Variants in PPFIA2 observed in about 807,000 individuals in gnomAD.
The protein encoded by PPFIA2 is PPFI scaffold protein A2.
In PPFIA2, 46 loss-of-function variants were observed where a neutral mutation model predicts 175.5. The ratio of observed to expected loss-of-function variants is 0.26; its 90% confidence interval spans 0.21 to 0.34. The LOEUF (loss-of-function observed/expected upper bound fraction) is 0.34, where lower values mean the gene tolerates loss of function less well. Ranked by LOEUF, PPFIA2 falls within the 10% of genes least tolerant of loss-of-function variation. The pLI is 1.00. For missense variants in PPFIA2, 1,179 were observed against 1,506.1 expected, an observed-to-expected ratio of 0.78 and a Z score of 3.60; for synonymous variants, 568 against 511.4, an observed-to-expected ratio of 1.11 and a Z score of -1.49.
intron 4 of PPFIA2, among the ~76,000 whole-genome samples, chr12:81,663,851 A>G (rs1316239846): frequency 6.6e-6 from 1 of 152,210 alleles, no homozygotes; most frequent in Non-Finnish European, 1.5e-5. Flanking sequence ...ATATAGACCA[A>G]TGGAACAGAA....
chr12:81,754,989 C>T (rs929507690), intron 2 of PPFIA2, among the ~76,000 whole-genome samples: 3 of 152,148 alleles, frequency 2.0e-5, no homozygotes, highest in Admixed American at 1.3e-4. Context: ...GCATTATACT[C>T]ATCATTACAC....
intron 4 of PPFIA2, among the ~76,000 whole-genome samples, chr12:81,516,223 T>C (rs910796761): frequency 1.1e-4 from 16 of 152,098 alleles, no homozygotes; most frequent in Non-Finnish European, 1.9e-4. Flanking sequence ...TACCAGGAGA[T>C]AGATTCTACT....
intron 4 of PPFIA2, among the ~76,000 whole-genome samples, chr12:81,570,138 C>T (rs540996797): frequency 1.4e-4 from 21 of 152,204 alleles, no homozygotes; most frequent in African/African-American, 4.8e-4. Flanking sequence ...TATATGATGG[C>T]TAACCATATG....
chr12:81,454,412 A>G (rs1395543696), intron 5 of PPFIA2, among the ~76,000 whole-genome samples: 1 of 152,148 alleles, frequency 6.6e-6, no homozygotes, highest in Non-Finnish European at 1.5e-5. Flanking sequence ...GGCCTGGGAC[A>G]AGTTACTTAC....
chr12:81,409,032 A>G (rs921807062), intron 7 of PPFIA2, among the ~76,000 whole-genome samples: 2 of 152,186 alleles, frequency 1.3e-5, no homozygotes, highest in African/African-American at 4.8e-5. Flanking sequence ...AATCTGTTTT[A>G]AAGAGTGAAG....
chr12:81,527,576 A>G (rs1380483774), intron 4 of PPFIA2, among the ~76,000 whole-genome samples: 1 of 152,072 alleles, frequency 6.6e-6, no homozygotes, highest in African/African-American at 2.4e-5. Context: ...GAACCTTCTC[A>G]GGCAAGCCTT....
In PPFIA2 at chr12:81,375,842, T is replaced by C. The variant is rs2036239641; in HGVS notation, c.1085A>G (p.Asp362Gly). The change falls in exon 10 of 33, where the codon GAT (aspartate) becomes GGT (glycine). Residue 362 changes from aspartate (D) to glycine (G), a missense_variant. Physicochemically the swap from Asp to Gly is moderately conservative, Grantham distance 94. Coordinates refer to ENST00000549396, the MANE Select transcript of PPFIA2 (RefSeq NM_003625.5). ...RESTSIHDMN[D>G]KLENELANKE... ...ATTTGCTAACTCATTTTCTAGTTTA[T>C]CATTCATGTCATGTATGGAGGTAGA... The C allele has an allele frequency of 6.2e-7, 1 of 1,607,930 alleles. No individual in the cohort carries two copies.
intron 4 of PPFIA2, among the ~76,000 whole-genome samples, chr12:81,462,258 T>G (rs2054678702): frequency 1.1e-5 from 1 of 93,620 alleles, no homozygotes; most frequent in Admixed American, 9.9e-5. Flanking sequence ...TTCTAACATA[T>G]ATATATATAT....
intron 2 of PPFIA2, among the ~76,000 whole-genome samples, chr12:81,755,833 G>A (rs1480155910): frequency 1.3e-5 from 2 of 152,046 alleles, no homozygotes; most frequent in South Asian, 2.1e-4. Flanking sequence ...ATATATAACA[G>A]AGAACACACA....
intron 4 of PPFIA2, among the ~76,000 whole-genome samples, chr12:81,498,122 A>T (rs1418966017): frequency 2.0e-5 from 3 of 152,174 alleles, no homozygotes; most frequent in Non-Finnish European, 4.4e-5. Flanking sequence ...TTTTTCTCAA[A>T]TTTAGTTTGA....
intron 4 of PPFIA2, among the ~76,000 whole-genome samples, chr12:81,470,766 T>C (rs1245537928): frequency 6.6e-6 from 1 of 152,230 alleles, no homozygotes; most frequent in Non-Finnish European, 1.5e-5. Context: ...ACATTTAACA[T>C]GATATCTGAC....
At chr12:81,406,413 A>G (rs2042944192) in intron 7 of PPFIA2, among the ~76,000 whole-genome samples, 1 of 152,144 alleles carries the variant, frequency 6.6e-6, no homozygotes, top group South Asian at 2.1e-4. Flanking sequence ...AAAATTTGTA[A>G]TGCTGTCATG....
chr12:81,457,446 A>T (rs2053786549), intron 5 of PPFIA2, among the ~76,000 whole-genome samples: 1 of 152,010 alleles, frequency 6.6e-6, no homozygotes, highest in Non-Finnish European at 1.5e-5. Flanking sequence ...TACCCCCAAA[A>T]CAACCTTTTG....
intron 4 of PPFIA2, among the ~76,000 whole-genome samples, chr12:81,565,079 C>T (rs1477062685): frequency 6.6e-6 from 1 of 152,130 alleles, no homozygotes; most frequent in Non-Finnish European, 1.5e-5. Flanking sequence ...TTTATAAACT[C>T]TGATGAACCT....
intron 3 of PPFIA2, among the ~76,000 whole-genome samples, chr12:81,704,900 A>G (rs1189301350): frequency 2.6e-5 from 4 of 151,384 alleles, no homozygotes; most frequent in African/African-American, 9.7e-5. Flanking sequence ...CCTGACCAAC[A>G]TGGTGAAATC....
intron 27 of PPFIA2, 38 bp downstream of exon 27, chr12:81,281,219 T>C: frequency 7.0e-7 from 1 of 1,428,370 alleles, no homozygotes; most frequent in Non-Finnish European, 9.4e-7. Context: ...TGTTTCATTT[T>C]AATTATTCTT....
chr12:81,469,840 G>C (rs914349196), intron 4 of PPFIA2, among the ~76,000 whole-genome samples: 1 of 152,196 alleles, frequency 6.6e-6, no homozygotes, highest in Non-Finnish European at 1.5e-5. Flanking sequence ...ATGAAGTCAT[G>C]AGTGTAGTGC....
At chr12:81,292,198 C>A (rs536562023) in intron 24 of PPFIA2, 1 of 152,136 alleles carries the variant, frequency 6.6e-6, no homozygotes, top group Non-Finnish European at 1.5e-5. Flanking sequence ...TTTGCATTTG[C>A]TCTTGGGAGG....
intron 28 of PPFIA2, among the ~76,000 whole-genome samples, chr12:81,273,981 A>T (rs1335370646): frequency 6.6e-6 from 1 of 150,760 alleles, no homozygotes; most frequent in Non-Finnish European, 1.5e-5. Flanking sequence ...TGTCTCTCTG[A>T]GTCAGTTCTG....
Sources: gnomAD v4.1 joint callset for allele counts (sites outside exome capture counted in the v4.1 genomes callset) on GRCh38, gnomAD v4.1.1 for gene constraint, MANE v1.5 for transcripts, NCBI Gene and HGNC (gene_info 2026-07-23, HGNC 2026-07-21) for gene names.